FMO4: variants seen among roughly 807,000 people sequenced by gnomAD.
FMO4 encodes the protein dimethylaniline monooxygenase [N-oxide-forming] 4.
A neutral mutation model predicts 43.3 loss-of-function variants in FMO4; 38 were observed. The ratio of observed to expected loss-of-function variants is 0.88; its 90% confidence interval spans 0.68 to 1.15. The LOEUF (loss-of-function observed/expected upper bound fraction) is 1.15, where lower values mean the gene tolerates loss of function less well. Ranked by LOEUF, FMO4 falls within the 50% of genes most tolerant of loss-of-function variation. The probability of loss-of-function intolerance (pLI) is 0.00; values close to 1 mark genes in which losing one functional copy is unlikely to be tolerated. For synonymous variants in FMO4, 224 were observed against 232.2 expected (o/e 0.96, Z 0.32); for missense variants, 631 against 663.3 (o/e 0.95, Z 0.54).
Position 171,332,882 on chromosome 1 carries a change from G to T in FMO4, c.801G>T (p.Glu267Asp). The T allele has an allele frequency of 6.8e-7, 1 of 1,477,138 alleles. No individual in the cohort carries two copies. Among genetic ancestry groups the T allele is most frequent in the South Asian group, 1.1e-5 (1 of 88,198 alleles). 91.5% of individuals were successfully genotyped at this position (1,477,138 alleles called of 1,614,324 possible). ...AGTTGAATAAGAGATTTAATCATGA[G>T]GATTATGGATTAAGTATTACCAAAG... ...ERKLNKRFNH[E>D]DYGLSITKGK... The change falls in exon 7 of 10, where the codon GAG (glutamate) becomes GAT (aspartate). Residue 267 changes from glutamate (E) to aspartate (D), a missense_variant. Glu to Asp is a conservative substitution (Grantham distance 45). Coordinates refer to ENST00000367749, the MANE Select transcript of FMO4 (RefSeq NM_002022.3).
chr1:171,337,672 C>G (rs1056219982), intron 9 of FMO4, among the ~76,000 whole-genome samples: 1 of 152,168 alleles, frequency 6.6e-6, no homozygotes, highest in Non-Finnish European at 1.5e-5. Context: ...CAGTGGCAAT[C>G]CTGTCTTCAC....
chr1:171,318,266 G>A (rs1662273038), intron 2 of FMO4, among the ~76,000 whole-genome samples: 1 of 152,008 alleles, frequency 6.6e-6, no homozygotes, highest in African/African-American at 2.4e-5. Context: ...GCAGTGAGCT[G>A]AGATTGTGCC....
At chr1:171,319,514 C>T (rs1662319476) in intron 2 of FMO4, among the ~76,000 whole-genome samples, 1 of 152,162 alleles carries the variant, frequency 6.6e-6, no homozygotes. Flanking sequence ...CTGCTCTCTC[C>T]TACTCAGTAT....
chr1:171,336,554 A>T (rs1663124835), intron 8 of FMO4, among the ~76,000 whole-genome samples: 1 of 152,142 alleles, frequency 6.6e-6, no homozygotes, highest in South Asian at 2.1e-4. Context: ...CCCCTTCCAC[A>T]CATGAGGCTC....
intron 2 of FMO4, among the ~76,000 whole-genome samples, chr1:171,317,882 C>T (rs972515353): frequency 1.2e-4 from 18 of 152,300 alleles, no homozygotes; most frequent in Admixed American, 8.5e-4. Context: ...TTTCTACTGA[C>T]TGAAATTCCT....
intron 9 of FMO4, among the ~76,000 whole-genome samples, chr1:171,338,922 T>C (rs1055154707): frequency 3.3e-5 from 5 of 152,212 alleles, no homozygotes; most frequent in African/African-American, 9.6e-5. Context: ...GTTCATTTAT[T>C]TATTTACTCA....
chr1:171,334,892 A>G, intron 8 of FMO4, 129 bp downstream of exon 8: 2 of 574,192 alleles, frequency 3.5e-6, no homozygotes, highest in Non-Finnish European at 6.2e-6. Context: ...TTAATTGTAT[A>G]TGTTTGTAAT....
At chr1:171,321,059 A>T (rs537150110) in intron 3 of FMO4, among the ~76,000 whole-genome samples, 58 of 152,110 alleles carry the variant, frequency 3.8e-4, no homozygotes, top group Middle Eastern at 3.4e-3. Context: ...GAAAAAAAAA[A>T]TGGTATATTG....
At position 171,316,295 on chromosome 1, in the gene FMO4, A is replaced by T. The variant is rs567048484; in HGVS notation, c.-41A>T. 1.3e-5 allele frequency: 2 copies of T among 152,068 alleles called. No individual in the cohort carries two copies. The highest frequency in any genetic ancestry group is 4.2e-4 in the South Asian group (2 of 4,798). The allele number at this position is 152,068 out of a possible 1,614,324, so 9.4% of individuals were successfully genotyped here. Reference sequence around the variant, plus strand: ...TTGTTTCTGATTAGAAGCTGTCTAAACCTCCTACTCCTCAACTCAAAGGAA... The same window carrying T: ...TTGTTTCTGATTAGAAGCTGTCTAATCCTCCTACTCCTCAACTCAAAGGAA... On this transcript the variant is annotated 5_prime_UTR_variant, in exon 2 of 10. Transcript: ENST00000367749.
intron 7 of FMO4, chr1:171,333,204 GT>G (rs1184581779): frequency 5.3e-5 from 14 of 264,104 alleles, no homozygotes; most frequent in Non-Finnish European, 7.3e-5. Flanking sequence ...TGTTGTTGGG[GT>G]TTTTTTGTGT....
rs869107866 is a variant in FMO4, at chr1:171,325,817, C to CTTTTTTTTT, written c.484+1557_484+1565dup. 7.3e-4 allele frequency among the ~76,000 whole-genome samples: 37 copies of CTTTTTTTTT among 51,032 alleles called. 14 individuals are homozygous for CTTTTTTTTT. Among genetic ancestry groups the CTTTTTTTTT allele is most frequent in the Non-Finnish European group, 1.0e-3 (25 of 24,830 alleles). 33.5% of individuals were successfully genotyped at this position (51,032 alleles called of 152,430 possible). A position where few individuals can be genotyped will look rare whatever the true frequency, so the allele number is the denominator to read the frequency against. ...TAAATTCAGTTCCACATAGACTATC[C>CTTTTTTTTT]TTTTTTTTTTTTTTTTTTTTTTTTT... On this transcript the variant is annotated intron_variant, in intron 5 of 9. Transcript: ENST00000367749.
At chr1:171,336,656 T>G (rs1663130487) in intron 8 of FMO4, among the ~76,000 whole-genome samples, 1 of 152,010 alleles carries the variant, frequency 6.6e-6, no homozygotes, top group South Asian at 2.1e-4. Flanking sequence ...CAGGCTGGAG[T>G]GCAGTGGCGT....
At chr1:171,320,077 C>A in intron 3 of FMO4, 120 bp downstream of exon 3, 1 of 1,045,950 alleles carries the variant, frequency 9.6e-7, no homozygotes. Flanking sequence ...ACGGCACAAA[C>A]AAGTGCATAA....
At chr1:171,339,347 AG>A (rs1158190322) in intron 9 of FMO4, among the ~76,000 whole-genome samples, 3 of 152,304 alleles carry the variant, frequency 2.0e-5, no homozygotes, top group East Asian at 3.9e-4. Flanking sequence ...AAGCAGCCCA[AG>A]GATGATCTTT....
chr1:171,336,234 A>G (rs1295430765), intron 8 of FMO4, among the ~76,000 whole-genome samples: 1 of 152,104 alleles, frequency 6.6e-6, no homozygotes, highest in Admixed American at 6.6e-5. Context: ...AACAAGGGTC[A>G]CAAGTGGCCT....
At chr1:171,337,577 C>T in intron 9 of FMO4, 152 bp downstream of exon 9, 3 of 636,756 alleles carry the variant, frequency 4.7e-6, no homozygotes, top group Non-Finnish European at 8.3e-6. Flanking sequence ...TTAGTCCTAA[C>T]TCTGCCACCA....
chr1:171,320,016 A>T (rs914212790), intron 3 of FMO4, 59 bp downstream of exon 3: 2 of 1,597,918 alleles, frequency 1.3e-6, no homozygotes, highest in African/African-American at 2.7e-5. Flanking sequence ...CTGCTCAGAC[A>T]TGGTGGCTTT....
chr1:171,319,751 T>C (rs1435195574), intron 2 of FMO4, 67 bp from the exon 3 acceptor site: 1 of 1,455,536 alleles, frequency 6.9e-7, no homozygotes, highest in Non-Finnish European at 9.5e-7. Flanking sequence ...AAAAATTGAG[T>C]CTTTTGACAA....
chr1:171,322,632 C>A (rs1662481142), intron 3 of FMO4, among the ~76,000 whole-genome samples: 3 of 152,074 alleles, frequency 2.0e-5, no homozygotes, highest in Non-Finnish European at 4.4e-5. Context: ...GCGGGTGGAT[C>A]ACTTGACGCC....
Sources: gnomAD v4.1 joint callset for allele counts (sites outside exome capture counted in the v4.1 genomes callset) on GRCh38, gnomAD v4.1.1 for gene constraint, MANE v1.5 for transcripts, NCBI Gene and HGNC (gene_info 2026-07-23, HGNC 2026-07-21) for gene names.